PTPRT: variants seen among roughly 807,000 people sequenced by gnomAD.
PTPRT encodes protein tyrosine phosphatase receptor type T, also known as receptor-type tyrosine-protein phosphatase T.
Under a neutral mutation model 176.8 loss-of-function variants are expected in PTPRT, and 56 were observed. The ratio of observed to expected loss-of-function variants is 0.32; its 90% CI spans 0.26 to 0.40. PTPRT has a LOEUF of 0.40. PTPRT is among the 10% of genes least tolerant of loss of function. The pLI is 1.00. For synonymous variants in PTPRT, 783 were observed against 739.0 expected (o/e 1.06, Z -0.96); for missense variants, 1,540 against 1,908.2 (o/e 0.81, Z 3.60).
chr20:43,087,363 C>CA lies in PTPRT; in HGVS notation c.88+102282_88+102283insT, dbSNP rs1555829702. Among the ~76,000 whole-genome samples, 4 of 50,370 alleles carry CA rather than the reference C, an allele frequency of 7.9e-5. No individual in the cohort carries two copies. The Admixed American group carries it at 8.5e-4, about 11-fold the overall frequency. The allele number at this position is 50,370 out of a possible 152,430, so 33.0% of individuals were successfully genotyped here. On this transcript the variant is annotated intron_variant, in intron 1 of 30. Coordinates refer to ENST00000373187, the MANE Select transcript of PTPRT (RefSeq NM_007050.6). Reference sequence around the variant, plus strand: ...TTCGTCACTGTTCACACTGTCCGTCCTTTTTTTTTTTTTTTTTTTTTTTTT... The same window carrying CA: ...TTCGTCACTGTTCACACTGTCCGTCCATTTTTTTTTTTTTTTTTTTTTTTTT...
At chr20:42,926,488 G>A (rs1054527088) in intron 1 of PTPRT, among the ~76,000 whole-genome samples, 6 of 152,176 alleles carry the variant, frequency 3.9e-5, no homozygotes, top group African/African-American at 9.7e-5. Context: ...GATCCAGGAC[G>A]ACACGGGGGA....
Position 43,098,306 on chromosome 20 carries a change from C to T in PTPRT, c.88+91340G>A, listed in dbSNP as rs375531045. Among the ~76,000 whole-genome samples, 33 of 152,286 alleles carry T rather than the reference C, an allele frequency of 2.2e-4. No individual in the cohort carries two copies. The South Asian group carries it at 2.5e-3, about 11-fold the overall frequency. On this transcript the variant is annotated intron_variant, in intron 1 of 30. Transcript: ENST00000373187. ...CCTTAGAGCCAGACAGCCTAGGTTC[C>T]GGTCCCAGCTGAAAGACCTTGGCCA...
At chr20:42,272,124 A>G (rs951019073) in intron 13 of PTPRT, among the ~76,000 whole-genome samples, 1 of 152,108 alleles carries the variant, frequency 6.6e-6, no homozygotes, top group Non-Finnish European at 1.5e-5. Context: ...TGCTTTTTAC[A>G]TTTTTCTAAT....
chr20:42,974,273 C>T (rs1350774113), intron 1 of PTPRT, among the ~76,000 whole-genome samples: 1 of 152,184 alleles, frequency 6.6e-6, no homozygotes, highest in Non-Finnish European at 1.5e-5. Flanking sequence ...AACTCCCCAA[C>T]AACCAAAACC....
At chr20:42,363,156 CA>C (rs1440479364) in intron 9 of PTPRT, among the ~76,000 whole-genome samples, 2 of 102,026 alleles carry the variant, frequency 2.0e-5, no homozygotes, top group Admixed American at 9.6e-5. Flanking sequence ...AAAAAAAGAA[CA>C]AAAAATGTGC....
intron 1 of PTPRT, among the ~76,000 whole-genome samples, chr20:43,031,336 C>T (rs1986130043): frequency 6.6e-6 from 1 of 152,184 alleles, no homozygotes; most frequent in African/African-American, 2.4e-5. Context: ...TACACACCCT[C>T]ACACGGAACA....
chr20:42,795,205 C>T (rs925547917), intron 2 of PTPRT, among the ~76,000 whole-genome samples: 9 of 151,820 alleles, frequency 5.9e-5, no homozygotes, highest in African/African-American at 1.9e-4. Context: ...AATCTACTAA[C>T]GTGATAAGGA....
At chr20:42,063,723 G>T in the PTPRT span, 1 of 152,126 alleles carries the variant, frequency 6.6e-6, no homozygotes, top group Non-Finnish European at 1.5e-5. Flanking sequence ...CCTCATGATT[G>T]TCTGGAGAGG....
chr20:42,267,972 G>A (rs1016474875), intron 13 of PTPRT, among the ~76,000 whole-genome samples: 1 of 152,074 alleles, frequency 6.6e-6, no homozygotes, highest in Non-Finnish European at 1.5e-5. Context: ...AGGATCACCA[G>A]CCCAGAAGGT....
chr20:42,585,035 A>C (rs2073447440), intron 7 of PTPRT, among the ~76,000 whole-genome samples: 2 of 152,184 alleles, frequency 1.3e-5, no homozygotes, highest in Admixed American at 1.3e-4. Flanking sequence ...CATCATCACC[A>C]ATATAGGATA....
chr20:42,212,718 A>G (rs1305702135), intron 15 of PTPRT, among the ~76,000 whole-genome samples: 2 of 152,196 alleles, frequency 1.3e-5, no homozygotes, highest in Non-Finnish European at 2.9e-5. Context: ...TGTTGCTGGT[A>G]AACCACTTTG....
intron 1 of PTPRT, among the ~76,000 whole-genome samples, chr20:42,920,741 A>G (rs1979093075): frequency 6.6e-6 from 1 of 152,208 alleles, no homozygotes; most frequent in Non-Finnish European, 1.5e-5. Flanking sequence ...AAAGAAGAGG[A>G]AAAAGAAAAA....
At chr20:42,722,497 A>T (rs1207377149) in intron 6 of PTPRT, among the ~76,000 whole-genome samples, 1 of 152,202 alleles carries the variant, frequency 6.6e-6, no homozygotes, top group East Asian at 1.9e-4. Context: ...TGGGCTGGCT[A>T]GAAACTTCCC....
At chr20:42,127,534 C>T (rs183982500) in intron 19 of PTPRT, among the ~76,000 whole-genome samples, 3 of 152,188 alleles carry the variant, frequency 2.0e-5, no homozygotes, top group Non-Finnish European at 4.4e-5. Context: ...GAGTTAATAA[C>T]TCACCTGGCT....
chr20:42,651,798 G>A (rs757125891), intron 7 of PTPRT, among the ~76,000 whole-genome samples: 60 of 152,250 alleles, frequency 3.9e-4, no homozygotes, highest in Non-Finnish European at 8.1e-4. Flanking sequence ...TATAATCCCA[G>A]CACTTTGGGA....
intron 11 of PTPRT, among the ~76,000 whole-genome samples, chr20:42,346,531 C>T (rs1204905321): frequency 6.6e-6 from 1 of 152,092 alleles, no homozygotes; most frequent in African/African-American, 2.4e-5. Context: ...AATACAAAAG[C>T]AATAAATCTC....
intron 1 of PTPRT, among the ~76,000 whole-genome samples, chr20:42,937,461 A>T (rs1980263476): frequency 6.6e-6 from 1 of 152,246 alleles, no homozygotes; most frequent in Non-Finnish European, 1.5e-5. Context: ...GTAAACTTGC[A>T]GTGATGGGAA....
intron 7 of PTPRT, among the ~76,000 whole-genome samples, chr20:42,543,324 T>TCTTCATC (rs1296778851): frequency 1.3e-5 from 2 of 152,218 alleles, no homozygotes; most frequent in Non-Finnish European, 2.9e-5. Context: ...ATTTTACCAG[T>TCTTCATC]GTTTACAGCA....
chr20:42,945,739 A>G (rs370024239), intron 1 of PTPRT, among the ~76,000 whole-genome samples: 1 of 152,090 alleles, frequency 6.6e-6, no homozygotes, highest in African/African-American at 2.4e-5. Flanking sequence ...TTCCCATAAC[A>G]TAGAACAACT....
Sources: gnomAD v4.1 joint callset for allele counts (sites outside exome capture counted in the v4.1 genomes callset) on GRCh38, gnomAD v4.1.1 for gene constraint, MANE v1.5 for transcripts, NCBI Gene and HGNC (gene_info 2026-07-23, HGNC 2026-07-21) for gene names.